NDUFS4: variants seen among roughly 807,000 people sequenced by gnomAD.
NDUFS4 encodes NADH:ubiquinone oxidoreductase subunit S4, also known as NADH dehydrogenase [ubiquinone] iron-sulfur protein 4, mitochondrial.
In NDUFS4, 28 loss-of-function variants were observed where a neutral mutation model predicts 24.3. The observed-to-expected ratio is 1.15, with a 90% CI of 0.85 to 1.58. The LOEUF is 1.58. Ranked by LOEUF, NDUFS4 falls within the 40% of genes most tolerant of loss-of-function variation. The pLI, the probability that NDUFS4 is intolerant of heterozygous loss-of-function variation, is 0.00. For synonymous variants in NDUFS4, 93 were observed against 69.7 expected, an observed-to-expected ratio of 1.34 and a Z score of -1.67; for missense variants, 223 against 207.9, an observed-to-expected ratio of 1.07 and a Z score of -0.45.
At chr5:53,629,450 C>T (rs767295506) in intron 2 of NDUFS4, among the ~76,000 whole-genome samples, 3 of 152,038 alleles carry the variant, frequency 2.0e-5, no homozygotes, top group Non-Finnish European at 2.9e-5. Flanking sequence ...TTTTCTGTCT[C>T]GTTGATGTGT....
intron 2 of NDUFS4, among the ~76,000 whole-genome samples, chr5:53,623,279 GT>G (rs979666437): frequency 6.6e-6 from 1 of 151,654 alleles, no homozygotes; most frequent in African/African-American, 2.4e-5. Flanking sequence ...ACCAACATGT[GT>G]TATTTTCCAT....
chr5:53,606,625 G>A (rs1317814925), intron 2 of NDUFS4, among the ~76,000 whole-genome samples: 2 of 152,070 alleles, frequency 1.3e-5, no homozygotes, highest in Non-Finnish European at 2.9e-5. Context: ...TCGGCCTCCC[G>A]AAGTGCTGGG....
At chr5:53,641,739 C>T (rs1055291190) in intron 2 of NDUFS4, among the ~76,000 whole-genome samples, 3 of 152,002 alleles carry the variant, frequency 2.0e-5, no homozygotes, top group South Asian at 2.1e-4. Flanking sequence ...TGTAAAATGT[C>T]CTTATTTATG....
At chr5:53,629,250 C>A (rs986847063) in intron 2 of NDUFS4, among the ~76,000 whole-genome samples, 1 of 151,928 alleles carries the variant, frequency 6.6e-6, no homozygotes. Context: ...GAGACAGTTT[C>A]TTGTGATTTC....
chr5:53,578,507 A>G (rs1749457770), intron 1 of NDUFS4, among the ~76,000 whole-genome samples: 1 of 152,108 alleles, frequency 6.6e-6, no homozygotes, highest in Admixed American at 6.5e-5. Flanking sequence ...AGTCTAGCAG[A>G]CTAGTTAAGA....
At chr5:53,646,544 T>C in intron 3 of NDUFS4, 139 bp downstream of exon 3, 1 of 821,778 alleles carries the variant, frequency 1.2e-6, no homozygotes, top group Non-Finnish European at 2.0e-6. Context: ...ACCACTGTGC[T>C]CAAAGATACA....
intron 1 of NDUFS4, among the ~76,000 whole-genome samples, chr5:53,565,677 A>C (rs1748996938): frequency 6.6e-6 from 1 of 152,228 alleles, no homozygotes; most frequent in Non-Finnish European, 1.5e-5. Context: ...GTCTGAGTGT[A>C]GGATATTCAC....
chr5:53,578,497 A>G (rs905295306), intron 1 of NDUFS4, among the ~76,000 whole-genome samples: 6 of 152,180 alleles, frequency 3.9e-5, no homozygotes, highest in African/African-American at 1.4e-4. Flanking sequence ...CCGTCATGTC[A>G]GTCTAGCAGA....
At chr5:53,613,356 T>G (rs181403592) in intron 2 of NDUFS4, among the ~76,000 whole-genome samples, 2 of 152,208 alleles carry the variant, frequency 1.3e-5, no homozygotes, top group Admixed American at 1.3e-4. Context: ...TTATGTTTTA[T>G]TCACTAAGTA....
chr5:53,603,963 C>G (rs1345536302), intron 2 of NDUFS4, among the ~76,000 whole-genome samples: 2 of 152,176 alleles, frequency 1.3e-5, no homozygotes, highest in East Asian at 3.9e-4. Flanking sequence ...CATACAAACA[C>G]ATACACACAC....
chr5:53,573,963 C>T (rs887232058), intron 1 of NDUFS4, among the ~76,000 whole-genome samples: 2 of 152,132 alleles, frequency 1.3e-5, no homozygotes, highest in East Asian at 3.8e-4. Context: ...ACTTTGTATC[C>T]TGTGACCTTG....
intron 1 of NDUFS4, among the ~76,000 whole-genome samples, chr5:53,563,303 A>G (rs1008829198): frequency 2.6e-5 from 4 of 151,572 alleles, no homozygotes; most frequent in African/African-American, 9.7e-5. Context: ...TAATTCAATT[A>G]TAGTATATCA....
At chr5:53,621,198 CT>C (rs1345020024) in intron 2 of NDUFS4, among the ~76,000 whole-genome samples, 1 of 152,090 alleles carries the variant, frequency 6.6e-6, no homozygotes, top group African/African-American at 2.4e-5. Flanking sequence ...TGATGTCCCT[CT>C]TTATCCTGGT....
At chr5:53,604,937 A>G (rs1561357250) in intron 2 of NDUFS4, 5 of 453,236 alleles carry the variant, frequency 1.1e-5, no homozygotes, top group Non-Finnish European at 2.2e-5. Flanking sequence ...AAAAGAAATG[A>G]GGGGCAGGGC....
chr5:53,655,768 C>T (rs768571057), intron 3 of NDUFS4, among the ~76,000 whole-genome samples: 2 of 152,134 alleles, frequency 1.3e-5, no homozygotes, highest in African/African-American at 2.4e-5. Flanking sequence ...GATTATGCAT[C>T]ATTGGAGTGG....
At chr5:53,566,418 G>C (rs1385214527) in intron 1 of NDUFS4, among the ~76,000 whole-genome samples, 2 of 152,102 alleles carry the variant, frequency 1.3e-5, no homozygotes, top group Non-Finnish European at 2.9e-5. Context: ...AATTTACTCT[G>C]TATCAGCTAC....
At chr5:53,653,040 T>G (rs944542168) in intron 3 of NDUFS4, among the ~76,000 whole-genome samples, 12 of 152,210 alleles carry the variant, frequency 7.9e-5, no homozygotes, top group African/African-American at 2.9e-4. Flanking sequence ...TAAAAATGAT[T>G]TATTTTTCCT....
chr5:53,580,194 A>G (rs551288333), intron 1 of NDUFS4, among the ~76,000 whole-genome samples: 1 of 152,336 alleles, frequency 6.6e-6, no homozygotes, highest in East Asian at 1.9e-4. Context: ...TAAATGATTT[A>G]TTTACATCAT....
chr5:53,659,838 T>C (rs1752276794), intron 4 of NDUFS4, among the ~76,000 whole-genome samples: 1 of 152,130 alleles, frequency 6.6e-6, no homozygotes, highest in Non-Finnish European at 1.5e-5. Flanking sequence ...CCTATCTGCC[T>C]TTGAATCTGT....
Sources: gnomAD v4.1 joint callset for allele counts (sites outside exome capture counted in the v4.1 genomes callset) on GRCh38, gnomAD v4.1.1 for gene constraint, MANE v1.5 for transcripts, NCBI Gene and HGNC (gene_info 2026-07-23, HGNC 2026-07-21) for gene names.